The following TP63 variants were observed in gnomAD, a reference collection of about 807,000 sequenced individuals.
The protein encoded by TP63 is tumor protein 63.
A neutral mutation model predicts 82.8 loss-of-function variants in TP63; 17 were observed. The observed-to-expected ratio is 0.21, with a 90% confidence interval of 0.14 to 0.31. TP63 has a LOEUF of 0.31. Ranked by LOEUF, TP63 falls within the 10% of genes least tolerant of loss-of-function variation. The probability of loss-of-function intolerance (pLI) is 1.00; values close to 1 mark genes in which losing one functional copy is unlikely to be tolerated. For synonymous variants in TP63, 330 were observed against 321.7 expected, an observed-to-expected ratio of 1.03 and a Z score of -0.28; for missense variants, 648 against 895.3, an observed-to-expected ratio of 0.72 and a Z score of 3.52.
intron 1 of TP63, among the ~76,000 whole-genome samples, chr3:189,714,280 G>A (rs2108758691): frequency 6.6e-6 from 1 of 152,278 alleles, no homozygotes; most frequent in South Asian, 2.1e-4. Context: ...TGACTTTTGG[G>A]AAAGTGATCA....
chr3:189,684,897 G>A (rs1188295770), intron 1 of TP63, among the ~76,000 whole-genome samples: 9 of 152,076 alleles, frequency 5.9e-5, no homozygotes, highest in Non-Finnish European at 8.8e-5. Flanking sequence ...CTCCCAGAGT[G>A]TTGGGATTAC....
At chr3:189,792,102 A>G (rs1048919020) in intron 3 of TP63, among the ~76,000 whole-genome samples, 1 of 152,094 alleles carries the variant, frequency 6.6e-6, no homozygotes, top group African/African-American at 2.4e-5. Context: ...CAAAAACTAT[A>G]TAAGAACACT....
chr3:189,607,516 A>T, the TP63 span, among the ~76,000 whole-genome samples: 1 of 152,094 alleles, frequency 6.6e-6, no homozygotes, highest in Non-Finnish European at 1.5e-5. Context: ...GAAATTTTTT[A>T]AAAAATAATT....
At chr3:189,786,844 AACTT>A (rs1724642972) in intron 3 of TP63, among the ~76,000 whole-genome samples, 1 of 152,040 alleles carries the variant, frequency 6.6e-6, no homozygotes, top group Non-Finnish European at 1.5e-5. Flanking sequence ...TAATAATACT[AACTT>A]ACACCACTAG....
chr3:189,773,786 T>G (rs1356166014), intron 3 of TP63, among the ~76,000 whole-genome samples: 1 of 152,132 alleles, frequency 6.6e-6, no homozygotes, highest in East Asian at 1.9e-4. Context: ...TTTGAGATCA[T>G]GAAGGTCATC....
chr3:189,750,125 G>GA lies in TP63; in HGVS notation c.324+11370dup, dbSNP rs71175309. Among the ~76,000 whole-genome samples the GA allele has an allele frequency of 5.1e-3, 488 of 95,444 alleles. 2 individuals are homozygous for GA. The highest frequency in any genetic ancestry group is 0.034 in the East Asian group (116 of 3,408). 62.6% of individuals were successfully genotyped at this position (95,444 alleles called of 152,430 possible). ...GGTGACAGGGTGAGACTCTGTCTCA[G>GA]AAAAAAAAAAAAAAAAAAAGGAATG... On this transcript the variant is annotated intron_variant, in intron 3 of 13. Coordinates refer to ENST00000264731, the MANE Select transcript of TP63 (RefSeq NM_003722.5).
intron 4 of TP63, among the ~76,000 whole-genome samples, chr3:189,847,573 C>T (rs1428506091): frequency 2.0e-5 from 3 of 152,162 alleles, no homozygotes; most frequent in Non-Finnish European, 2.9e-5. Context: ...TATTTCCCCC[C>T]ACCCATCACA....
intron 7 of TP63, 108 bp from the exon 8 acceptor site, chr3:189,868,472 G>C: frequency 6.6e-7 from 1 of 1,511,996 alleles, no homozygotes; most frequent in Non-Finnish European, 9.0e-7. Flanking sequence ...GGCTAAGCTG[G>C]TAGTACGTTG....
intron 1 of TP63, among the ~76,000 whole-genome samples, chr3:189,688,427 G>A (rs1716616791): frequency 6.6e-6 from 1 of 152,140 alleles, no homozygotes; most frequent in Non-Finnish European, 1.5e-5. Flanking sequence ...CAGACAGTTG[G>A]TTGCTGAAGA....
chr3:189,660,703 GTT>G (rs919889729), intron 1 of TP63, among the ~76,000 whole-genome samples: 1 of 151,640 alleles, frequency 6.6e-6, no homozygotes, highest in Non-Finnish European at 1.5e-5. Context: ...AGCATGGAAT[GTT>G]TTTTTTCATT....
chr3:189,694,404 T>C (rs1210352035), intron 1 of TP63, among the ~76,000 whole-genome samples: 1 of 152,202 alleles, frequency 6.6e-6, no homozygotes, highest in African/African-American at 2.4e-5. Flanking sequence ...AAGACCTTAT[T>C]CAGAATACCA....
intron 4 of TP63, among the ~76,000 whole-genome samples, chr3:189,834,065 T>G (rs901061861): frequency 6.6e-6 from 1 of 152,120 alleles, no homozygotes; most frequent in Non-Finnish European, 1.5e-5. Context: ...ATTTTGAAGG[T>G]TGAGAGACAT....
At chr3:189,684,738 C>T (rs1163722597) in intron 1 of TP63, among the ~76,000 whole-genome samples, 1 of 150,322 alleles carries the variant, frequency 6.7e-6, no homozygotes, top group Non-Finnish European at 1.5e-5. Context: ...TCAAGCGATT[C>T]TCATGCCTCA....
chr3:189,634,777 G>A (rs1031233904), intron 1 of TP63, among the ~76,000 whole-genome samples: 1 of 151,986 alleles, frequency 6.6e-6, no homozygotes, highest in African/African-American at 2.4e-5. Flanking sequence ...TTTATGAATA[G>A]AAACTTGTAC....
At chr3:189,833,668 TTCTC>T (rs1289577904) in intron 4 of TP63, among the ~76,000 whole-genome samples, 4 of 123,368 alleles carry the variant, frequency 3.2e-5, no homozygotes, top group Non-Finnish European at 6.4e-5. Flanking sequence ...GGTAGCAATT[TTCTC>T]TCTCTCTTTT....
At chr3:189,687,696 G>A (rs1201075238) in intron 1 of TP63, among the ~76,000 whole-genome samples, 1 of 152,198 alleles carries the variant, frequency 6.6e-6, no homozygotes, top group African/African-American at 2.4e-5. Context: ...TGGACAATGT[G>A]CCCTTTAAAG....
At chr3:189,871,228 T>A (rs1326700239) in intron 9 of TP63, among the ~76,000 whole-genome samples, 1 of 152,156 alleles carries the variant, frequency 6.6e-6, no homozygotes, top group Non-Finnish European at 1.5e-5. Flanking sequence ...AAAAACTCCA[T>A]TAATTTAATA....
chr3:189,852,678 T>C (rs1715796901), intron 4 of TP63, among the ~76,000 whole-genome samples: 1 of 152,210 alleles, frequency 6.6e-6, no homozygotes, highest in African/African-American at 2.4e-5. Flanking sequence ...ACCACCTTTG[T>C]ATTTCTGAAT....
Position 189,864,103 on chromosome 3 carries a change from T to C in TP63, c.580-129T>C, listed in dbSNP as rs1039095024. 6 of 1,133,584 alleles carry C rather than the reference T, an allele frequency of 5.3e-6. No homozygotes were observed. In the East Asian group the frequency reaches 1.2e-4, roughly 22 times the overall value. The allele number at this position is 1,133,584 out of a possible 1,614,324, so 70.2% of individuals were successfully genotyped here. The stretch of plus-strand genomic sequence containing the variant: ...ACATTGACATACGTCACATCTATAG[T>C]AGCCAGTAGTAAACAGGCAGCATGC... On this transcript the variant is annotated intron_variant, in intron 4 of 13. Transcript: ENST00000264731.
Sources: allele counts gnomAD v4.1 joint callset (sites outside exome capture counted in the v4.1 genomes callset), GRCh38; gene constraint gnomAD v4.1.1; transcripts MANE v1.5; gene names NCBI Gene and HGNC (gene_info 2026-07-23, HGNC 2026-07-21).